Variants in BMP1 observed in about 807,000 individuals in gnomAD.
BMP1 encodes bone morphogenetic protein 1, also known as mammalian tolloid protein.
In BMP1, 63 loss-of-function variants were observed where a neutral mutation model predicts 116.8. The ratio of observed to expected loss-of-function variants is 0.54; its 90% CI spans 0.44 to 0.67. BMP1 has a LOEUF of 0.67. BMP1 is among the 30% of genes least tolerant of loss of function. The pLI, the probability that BMP1 is intolerant of heterozygous loss-of-function variation, is 0.00. For synonymous variants in BMP1, 536 were observed against 533.4 expected, an observed-to-expected ratio of 1.00 and a Z score of -0.07; for missense variants, 1,183 against 1,358.9, an observed-to-expected ratio of 0.87 and a Z score of 2.04.
chr8:22,180,341 C>G, intron 7 of BMP1, 27 bp from the exon 8 acceptor site: 1 of 1,585,396 alleles, frequency 6.3e-7, no homozygotes, highest in Non-Finnish European at 8.7e-7. Flanking sequence ...GCCTGCAGCC[C>G]TGCCCTGTCA....
intron 1 of BMP1, among the ~76,000 whole-genome samples, chr8:22,168,898 C>T (rs1426268844): frequency 6.6e-6 from 1 of 152,168 alleles, no homozygotes; most frequent in Non-Finnish European, 1.5e-5. Context: ...AGGCAGGGGG[C>T]AGTGGCTCAT....
chr8:22,187,053 G>C (rs928919048), intron 8 of BMP1, among the ~76,000 whole-genome samples: 2 of 151,852 alleles, frequency 1.3e-5, no homozygotes, highest in Admixed American at 1.3e-4. Flanking sequence ...TGCCCAGGCT[G>C]GAGTGCAGCT....
chr8:22,179,629 T>C lies in BMP1; in HGVS notation c.837-76T>C. ...CTCCAGCAGGGTCGTGACTTGTGGG[T>C]ACAGATGGGCATGCCACCCACTCCC... On this transcript the variant is annotated intron_variant, in intron 6 of 19. Transcript: ENST00000306385. This position sits in a 1 kb window ranked among gnomAD's most constrained non-coding sequence, Gnocchi z 4.6. 1.9e-6 allele frequency: 3 copies of C among 1,603,906 alleles called. No individual in the cohort carries two copies. Among genetic ancestry groups the C allele is most frequent in the Non-Finnish European group, 2.6e-6 (3 of 1,174,338 alleles).
rs149856199 is a variant in BMP1 at position 22,177,126 on chromosome 8, G to C, written c.717G>C (p.Glu239Asp). Residue 239 changes from glutamate (E) to aspartate (D), a missense_variant, in exon 5 of 20, where the codon GAG becomes GAC. By Grantham distance (45) the Glu-to-Asp change is conservative (BLOSUM62 2). Around this residue, in one of 4 missense-constraint regions of BMP1, gnomAD observed 956 missense variants for 1,135.2 expected, o/e 0.84. Coordinates refer to ENST00000306385, the MANE Select transcript of BMP1 (RefSeq NM_006129.5). ...DRDRHVSIVRENIQPGQEYNF... is the reference protein window; with the variant it reads ...DRDRHVSIVRDNIQPGQEYNF... ...ACCGCCACGTTTCCATCGTTCGTGA[G>C]AACATCCAGCCAGGTAGGTACCTGC... 1 of 1,607,400 alleles carries C rather than the reference G, an allele frequency of 6.2e-7. No individual in the cohort carries two copies. Among genetic ancestry groups the C allele is most frequent in the South Asian group, 1.1e-5 (1 of 90,448 alleles).
intron 4 of BMP1, 108 bp from the exon 5 acceptor site, chr8:22,176,853 C>G: frequency 9.7e-7 from 1 of 1,026,866 alleles, no homozygotes; most frequent in African/African-American, 1.6e-5. Context: ...GGGCCCACCC[C>G]TCCCCTTCGC....
Position 22,192,669 on chromosome 8 carries a change from G to A in BMP1, c.1180+518G>A, listed in dbSNP as rs539402576. 5.9e-5 allele frequency among the ~76,000 whole-genome samples: 9 copies of A among 152,320 alleles called. No homozygotes were observed. The East Asian group carries it at 1.5e-3, about 26-fold the overall frequency. ...GCCGTGGCCCGACCTTGTCTGCATAGGATACTTTGTCCCGAGGAGGGTAGG... is the reference window on the plus strand; with the variant it reads ...GCCGTGGCCCGACCTTGTCTGCATAAGATACTTTGTCCCGAGGAGGGTAGG... On this transcript the variant is annotated intron_variant, in intron 9 of 19. Transcript: ENST00000306385.
Position 22,206,740 on chromosome 8 carries a change from G to A in BMP1, c.2234-114G>A, listed in dbSNP as rs1248818285. 7 of 1,475,564 alleles carry A rather than the reference G, an allele frequency of 4.7e-6. No homozygotes were observed. The African/African-American group carries it at 1.0e-4, about 21-fold the overall frequency. 91.4% of individuals were successfully genotyped at this position (1,475,564 alleles called of 1,614,324 possible). On this transcript the variant is annotated intron_variant, in intron 16 of 19. Transcript: ENST00000306385. ...TGCCTGCCTGCCATCCAGTTCATAA[G>A]TGGGACAAGAGATGGAAGAAAGGAG...
chr8:22,169,012 T>A (rs1004542464), intron 1 of BMP1, among the ~76,000 whole-genome samples: 1 of 151,804 alleles, frequency 6.6e-6, no homozygotes. Flanking sequence ...TACAAAAAAA[T>A]TTAAAAATTA....
chr8:22,166,716 G>A (rs977245800), intron 1 of BMP1, among the ~76,000 whole-genome samples: 1 of 152,164 alleles, frequency 6.6e-6, no homozygotes, highest in Non-Finnish European at 1.5e-5. Flanking sequence ...CTCCTGGGAG[G>A]GTGGCCCACA....
intron 9 of BMP1, among the ~76,000 whole-genome samples, chr8:22,192,708 G>C (rs977640144): frequency 6.6e-6 from 1 of 152,200 alleles, no homozygotes; most frequent in African/African-American, 2.4e-5. Flanking sequence ...CAGGAGGTGA[G>C]TCAGTGGGAG....
chr8:22,167,688 T>A (rs1828156551), intron 1 of BMP1, among the ~76,000 whole-genome samples: 1 of 152,090 alleles, frequency 6.6e-6, no homozygotes. Flanking sequence ...GAAGTGAGGC[T>A]GGTGGGGCGC....
At chr8:22,166,409 T>C (rs1456913449) in intron 1 of BMP1, among the ~76,000 whole-genome samples, 1 of 151,984 alleles carries the variant, frequency 6.6e-6, no homozygotes, top group Admixed American at 6.6e-5. Context: ...GAAGACTCTA[T>C]GTAACCCCAT....
chr8:22,184,455 A>G (rs574186531), intron 8 of BMP1, among the ~76,000 whole-genome samples: 4 of 152,334 alleles, frequency 2.6e-5, no homozygotes, highest in African/African-American at 9.6e-5. Context: ...GCTAACTATA[A>G]AAATTCCAGA....
At chr8:22,166,032 C>G (rs968759643) in intron 1 of BMP1, among the ~76,000 whole-genome samples, 3 of 151,920 alleles carry the variant, frequency 2.0e-5, no homozygotes, top group African/African-American at 7.3e-5. Context: ...TCTGGGAGGC[C>G]TGAGTCTCCA....
intron 1 of BMP1, among the ~76,000 whole-genome samples, chr8:22,166,047 G>A (rs753741649): frequency 2.6e-5 from 4 of 151,986 alleles, no homozygotes; most frequent in Non-Finnish European, 4.4e-5. Context: ...TCTCCAAGGA[G>A]CAGGTCCCCC....
At chr8:22,168,580 G>A (rs1218230668) in intron 1 of BMP1, among the ~76,000 whole-genome samples, 2 of 152,284 alleles carry the variant, frequency 1.3e-5, no homozygotes, top group South Asian at 2.1e-4. Context: ...AGGAGCGGGA[G>A]GGGCAGCACT....
chr8:22,206,109 G>C (rs1306168357), intron 16 of BMP1, among the ~76,000 whole-genome samples: 1 of 152,172 alleles, frequency 6.6e-6, no homozygotes, highest in Non-Finnish European at 1.5e-5. Flanking sequence ...GCTCACGCCT[G>C]TAATCCCAGC....
chr8:22,169,222 C>G (rs531883481), intron 1 of BMP1: 1 of 151,380 alleles, frequency 6.6e-6, no homozygotes, highest in Non-Finnish European at 1.5e-5. Context: ...CTCCAGAGAT[C>G]TGGGGAGAAG....
intron 15 of BMP1, among the ~76,000 whole-genome samples, chr8:22,197,996 A>G (rs1351507086): frequency 6.6e-6 from 1 of 152,104 alleles, no homozygotes; most frequent in African/African-American, 2.4e-5. Context: ...ACCAGCCTAG[A>G]CAACATAGCG....
Sources: allele counts gnomAD v4.1 joint callset (sites outside exome capture counted in the v4.1 genomes callset), GRCh38; gene constraint gnomAD v4.1.1; regional missense constraint gnomAD v4.1.1; non-coding constraint Gnocchi (gnomAD v3.1); transcripts MANE v1.5; gene names NCBI Gene and HGNC (gene_info 2026-07-23, HGNC 2026-07-21).